Variants in TMPRSS15 observed in about 807,000 individuals in gnomAD.
TMPRSS15 encodes the protein transmembrane serine protease 15.
Under a neutral mutation model 125.3 loss-of-function variants are expected in TMPRSS15, and 128 were observed. The observed-to-expected ratio is 1.02, with a 90% confidence interval of 0.89 to 1.18. The LOEUF (loss-of-function observed/expected upper bound fraction) is 1.18. Among genes scored for constraint, TMPRSS15 ranks in the 50% most tolerant of loss-of-function variants. The pLI, the probability that TMPRSS15 is intolerant of heterozygous loss-of-function variation, is 0.00. For missense variants in TMPRSS15, 1,283 were observed against 1,212.7 expected, an observed-to-expected ratio of 1.06 and a Z score of -0.86; for synonymous variants, 446 against 423.2, an observed-to-expected ratio of 1.05 and a Z score of -0.66.
Position 18,466,360 on chromosome 21 carries a change from T to C in TMPRSS15, c.10+19439A>G, listed in dbSNP as rs151034665. On this transcript the variant is annotated intron_variant, in intron 1 of 7. Transcript: ENST00000422787. ...TCAGGACATAGGCATGGGCAAACACTTCATGACTAAAACACCAAAAGCAAT... is the reference window on the plus strand; with the variant it reads ...TCAGGACATAGGCATGGGCAAACACCTCATGACTAAAACACCAAAAGCAAT... Among the ~76,000 whole-genome samples, 1,327 of 152,050 alleles carry C rather than the reference T, an allele frequency of 8.7e-3. 19 individuals carry two copies. Among genetic ancestry groups the C allele is most frequent in the African/African-American group, 0.029 (1,218 of 41,470 alleles).
intron 5 of TMPRSS15, among the ~76,000 whole-genome samples, chr21:18,375,132 A>T (rs1369370224): frequency 6.6e-6 from 1 of 152,228 alleles, no homozygotes; most frequent in Non-Finnish European, 1.5e-5. Context: ...GACTTGGTCC[A>T]TGAGGAAACA....
chr21:18,298,589 C>CT (rs1473299798), intron 18 of TMPRSS15, among the ~76,000 whole-genome samples: 1 of 152,196 alleles, frequency 6.6e-6, no homozygotes. Context: ...TCCTGACACT[C>CT]TTTTTTAGAC....
intron 1 of TMPRSS15, among the ~76,000 whole-genome samples, chr21:18,398,686 G>A (rs2076065400): frequency 6.6e-6 from 1 of 152,136 alleles, no homozygotes; most frequent in African/African-American, 2.4e-5. Context: ...GTGACTCAGG[G>A]AAACATGGTG....
In TMPRSS15 at chr21:18,440,977, A is replaced by G. The variant is rs556701421; in HGVS notation, c.11-42648T>C. Among the ~76,000 whole-genome samples the G allele has an allele frequency of 2.0e-5, 3 of 152,034 alleles. No homozygotes were observed. In the East Asian group the frequency reaches 5.8e-4, roughly 29 times the overall value. On this transcript the variant is annotated intron_variant, in intron 1 of 7. Transcript: ENST00000422787. ...TATTTGAACAATTGAACAATCAAGA[A>G]ATTCTTGTAAAAAAAATAGGATTAT...
chr21:18,301,030 C>T (rs1478133580), intron 18 of TMPRSS15, among the ~76,000 whole-genome samples: 2 of 152,062 alleles, frequency 1.3e-5, no homozygotes, highest in Non-Finnish European at 2.9e-5. Flanking sequence ...TCAAATTTAA[C>T]ATGAGAAAAC....
At chr21:18,286,480 C>T (rs755843869) in intron 21 of TMPRSS15, among the ~76,000 whole-genome samples, 2 of 152,214 alleles carry the variant, frequency 1.3e-5, no homozygotes, top group African/African-American at 2.4e-5. Flanking sequence ...TCAGAACTCT[C>T]ACTCTCTTTC....
At chr21:18,343,753 C>G in intron 11 of TMPRSS15, 97 bp from the exon 12 acceptor site, 1 of 1,420,352 alleles carries the variant, frequency 7.0e-7, no homozygotes, top group Non-Finnish European at 9.9e-7. Flanking sequence ...TTGAAATAAT[C>G]TTTTTTTCCT....
chr21:18,360,694 T>C (rs1418761111), intron 7 of TMPRSS15, among the ~76,000 whole-genome samples: 1 of 152,154 alleles, frequency 6.6e-6, no homozygotes, highest in African/African-American at 2.4e-5. Context: ...AGCTCTGTAA[T>C]ATATTTTGAA....
At chr21:18,305,430 C>T (rs1407940800) in intron 18 of TMPRSS15, among the ~76,000 whole-genome samples, 2 of 152,034 alleles carry the variant, frequency 1.3e-5, no homozygotes, top group Non-Finnish European at 1.5e-5. Context: ...CCTCGTGATC[C>T]GCCCTTCTCG....
chr21:18,412,522 C>T (rs2123172421), intron 1 of TMPRSS15, among the ~76,000 whole-genome samples: 1 of 152,326 alleles, frequency 6.6e-6, no homozygotes, highest in South Asian at 2.1e-4. Flanking sequence ...TTTCATGTTT[C>T]TGACTATGTC....
rs553718942 is a variant in TMPRSS15 at position 18,347,509 on chromosome 21, C to T, written c.1172-3449G>A. Among the ~76,000 whole-genome samples, 5 of 152,210 alleles carry T rather than the reference C, an allele frequency of 3.3e-5. No homozygotes were observed. In the South Asian group the frequency reaches 1.0e-3, roughly 32 times the overall value. On this transcript the variant is annotated intron_variant, in intron 10 of 24. Coordinates refer to ENST00000284885, the MANE Select transcript of TMPRSS15 (RefSeq NM_002772.3). ...GCCTTGGATGTGTTGGGATTACAGG[C>T]ATCAGCCACTGCACCTGGCCTGTTG... is the stretch of plus-strand genomic sequence containing the variant.
intron 8 of TMPRSS15, among the ~76,000 whole-genome samples, chr21:18,357,217 C>T (rs1004177446): frequency 4.0e-5 from 6 of 151,866 alleles, no homozygotes; most frequent in South Asian, 2.1e-4. Context: ...CAATATTATA[C>T]CTTCATCATT....
chr21:18,320,078 C>T (rs2075218387), intron 16 of TMPRSS15, among the ~76,000 whole-genome samples: 1 of 152,026 alleles, frequency 6.6e-6, no homozygotes, highest in Admixed American at 6.5e-5. Flanking sequence ...ATTTTTAAAC[C>T]AGATTAGTGA....
chr21:18,449,279 G>A (rs567759587), intron 1 of TMPRSS15, among the ~76,000 whole-genome samples: 7 of 151,916 alleles, frequency 4.6e-5, no homozygotes, highest in Admixed American at 3.3e-4. Flanking sequence ...ATATTCAATC[G>A]TATCTAATGC....
chr21:18,273,745 C>G (rs2074587790), intron 24 of TMPRSS15, among the ~76,000 whole-genome samples: 1 of 152,146 alleles, frequency 6.6e-6, no homozygotes, highest in Non-Finnish European at 1.5e-5. Flanking sequence ...TTACCTTTAG[C>G]ACACTTTTCA....
intron 1 of TMPRSS15, among the ~76,000 whole-genome samples, chr21:18,420,483 A>G (rs1295680760): frequency 6.6e-6 from 1 of 152,238 alleles, no homozygotes; most frequent in Non-Finnish European, 1.5e-5. Context: ...CGAAGGTTAA[A>G]TTAACCACTA....
chr21:18,357,676 A>G (rs1012832058), intron 8 of TMPRSS15, among the ~76,000 whole-genome samples: 4 of 151,932 alleles, frequency 2.6e-5, no homozygotes, highest in African/African-American at 9.6e-5. Flanking sequence ...GAATGAAAGT[A>G]TCTGCATTAT....
intron 1 of TMPRSS15, among the ~76,000 whole-genome samples, chr21:18,415,134 C>G (rs962558773): frequency 6.6e-6 from 1 of 152,066 alleles, no homozygotes; most frequent in Non-Finnish European, 1.5e-5. Flanking sequence ...TTTTTACACA[C>G]CTGCTGGCCA....
At chr21:18,337,930 T>A (rs911929568) in intron 13 of TMPRSS15, among the ~76,000 whole-genome samples, 3 of 152,202 alleles carry the variant, frequency 2.0e-5, no homozygotes, top group African/African-American at 7.2e-5. Context: ...AAATATTGTC[T>A]TGAAGTGAAC....
Sources: allele counts gnomAD v4.1 joint callset (sites outside exome capture counted in the v4.1 genomes callset), GRCh38; gene constraint gnomAD v4.1.1; transcripts MANE v1.5; gene names NCBI Gene and HGNC (gene_info 2026-07-23, HGNC 2026-07-21).